Variants in CACNB2 observed in about 807,000 individuals in gnomAD.
CACNB2 encodes voltage-dependent L-type calcium channel subunit beta-2.
Under a neutral mutation model 73.3 loss-of-function variants are expected in CACNB2, and 42 were observed. The observed-to-expected ratio is 0.57, with a 90% CI of 0.45 to 0.74. CACNB2 has a LOEUF of 0.74. Among genes scored for constraint, CACNB2 ranks in the 30% least tolerant of loss-of-function variants. CACNB2 has a pLI of 0.00. For synonymous variants in CACNB2, 348 were observed against 310.3 expected (o/e 1.12, Z -1.28); for missense variants, 940 against 853.0 (o/e 1.10, Z -1.27).
At chr10:18,437,582 C>G (rs2046201137) in intron 3 of CACNB2, among the ~76,000 whole-genome samples, 1 of 152,188 alleles carries the variant, frequency 6.6e-6, no homozygotes, top group South Asian at 2.1e-4. Context: ...ACGCATTTCA[C>G]TGGCCAAAAT....
At chr10:18,184,161 C>T (rs2034031218) in intron 2 of CACNB2, among the ~76,000 whole-genome samples, 1 of 152,124 alleles carries the variant, frequency 6.6e-6, no homozygotes, top group East Asian at 1.9e-4. Context: ...CAATGCCAGA[C>T]CTATGGTAGA....
intron 2 of CACNB2, among the ~76,000 whole-genome samples, chr10:18,374,862 C>T (rs1302667337): frequency 1.3e-5 from 2 of 152,136 alleles, no homozygotes; most frequent in African/African-American, 4.8e-5. Context: ...AGCCTTAGAA[C>T]TGTAATGTAA....
At chr10:18,329,865 T>G (rs1168635057) in intron 2 of CACNB2, among the ~76,000 whole-genome samples, 3 of 152,132 alleles carry the variant, frequency 2.0e-5, no homozygotes, top group Non-Finnish European at 2.9e-5. Context: ...TGAGATGGAG[T>G]CTCGCTCTGT....
chr10:18,332,841 TAC>T (rs2040856156), intron 2 of CACNB2, among the ~76,000 whole-genome samples: 1 of 152,228 alleles, frequency 6.6e-6, no homozygotes, highest in South Asian at 2.1e-4. Flanking sequence ...GCAGTTCATT[TAC>T]AGTTAACTCT....
intron 3 of CACNB2, among the ~76,000 whole-genome samples, chr10:18,451,845 A>C (rs1463486702): frequency 1.3e-5 from 2 of 152,190 alleles, no homozygotes; most frequent in Non-Finnish European, 2.9e-5. Flanking sequence ...ACAGAATGCT[A>C]GGTGCTAATG....
chr10:18,527,077 A>G (rs2052544063), intron 9 of CACNB2, among the ~76,000 whole-genome samples: 2 of 152,192 alleles, frequency 1.3e-5, no homozygotes, highest in Non-Finnish European at 2.9e-5. Flanking sequence ...AGTAAGTGCA[A>G]CGTAAGGCAG....
At chr10:18,340,140 A>G (rs756970094) in intron 2 of CACNB2, among the ~76,000 whole-genome samples, 2 of 152,040 alleles carry the variant, frequency 1.3e-5, no homozygotes, top group Non-Finnish European at 2.9e-5. Context: ...GATTTATAGG[A>G]GTTCTATTTC....
In CACNB2 at chr10:18,239,991, T is replaced by A. The variant is rs375459784; in HGVS notation, c.213+89016T>A. On this transcript the variant is annotated intron_variant, in intron 2 of 13. Coordinates refer to ENST00000324631, the MANE Select transcript of CACNB2 (RefSeq NM_201596.3). ...CTGATAAGGCAGATAGCTGCCTCTC[T>A]GCCTTATCAGCTGTAACAATCTCAC... Among the ~76,000 whole-genome samples, 11 of 152,242 alleles carry A rather than the reference T, an allele frequency of 7.2e-5. No homozygotes were observed. The East Asian group carries it at 7.7e-4, about 11-fold the overall frequency.
At chr10:18,385,571 G>C (rs2043196131) in intron 2 of CACNB2, among the ~76,000 whole-genome samples, 1 of 147,994 alleles carries the variant, frequency 6.8e-6, no homozygotes, top group Non-Finnish European at 1.5e-5. Context: ...AGCTTGTGGT[G>C]AGCCGAGATC....
rs185650935 is a variant in CACNB2 at position 18,317,348 on chromosome 10, A to C, written c.214-84576A>C. Among the ~76,000 whole-genome samples, 14 of 152,208 alleles carry C rather than the reference A, an allele frequency of 9.2e-5. No individual in the cohort carries two copies. In the East Asian group the frequency reaches 2.7e-3, roughly 29 times the overall value. On this transcript the variant is annotated intron_variant, in intron 2 of 13. Transcript: ENST00000324631. ...GGGCTTCTAAAGATCCCATTGCCCA[A>C]GTAGTGAACAAAGAACCCAATAGAT... is the stretch of plus-strand genomic sequence containing the variant.
rs370886608 is a variant in CACNB2, at chr10:18,152,892, G to A, written c.213+1917G>A. Among the ~76,000 whole-genome samples the A allele has an allele frequency of 1.2e-4, 18 of 152,134 alleles. No individual in the cohort carries two copies. In the South Asian group the frequency reaches 3.5e-3, roughly 30 times the overall value. Reference sequence around the variant, plus strand: ...ACGAACAGTGTAGAACCCGTTATTAGTCATTTAATCCCTGTAGAAACGCCA... The same window carrying A: ...ACGAACAGTGTAGAACCCGTTATTAATCATTTAATCCCTGTAGAAACGCCA... On this transcript the variant is annotated intron_variant, in intron 2 of 13. Transcript: ENST00000324631.
At chr10:18,266,459 G>A (rs1004612990) in intron 2 of CACNB2, among the ~76,000 whole-genome samples, 4 of 152,030 alleles carry the variant, frequency 2.6e-5, no homozygotes, top group African/African-American at 9.7e-5. Context: ...CTGGGCTAGA[G>A]AAGTGCTGAA....
chr10:18,421,459 G>A (rs1168363204), intron 3 of CACNB2, among the ~76,000 whole-genome samples: 2 of 151,716 alleles, frequency 1.3e-5, no homozygotes, highest in Non-Finnish European at 2.9e-5. Flanking sequence ...CACCACACCC[G>A]GCTAATTTTT....
At chr10:18,342,205 G>A (rs554206375) in intron 2 of CACNB2, among the ~76,000 whole-genome samples, 57 of 152,138 alleles carry the variant, frequency 3.7e-4, no homozygotes, top group Non-Finnish European at 6.8e-4. Context: ...TGTGAATTAC[G>A]AAAACATGTA....
chr10:18,172,798 T>C (rs935013852), intron 2 of CACNB2, among the ~76,000 whole-genome samples: 15 of 152,158 alleles, frequency 9.9e-5, no homozygotes, highest in Admixed American at 9.8e-4. Flanking sequence ...CCCTAGTCAT[T>C]ATGAACACCA....
chr10:18,383,417 C>T (rs767387074), intron 2 of CACNB2, among the ~76,000 whole-genome samples: 10 of 152,222 alleles, frequency 6.6e-5, no homozygotes, highest in Admixed American at 2.0e-4. Flanking sequence ...TAAGAGTCTA[C>T]GCAGTACAGG....
At chr10:18,390,316 G>A (rs2043410180) in intron 2 of CACNB2, among the ~76,000 whole-genome samples, 1 of 152,204 alleles carries the variant, frequency 6.6e-6, no homozygotes, top group African/African-American at 2.4e-5. Context: ...GAGTTCAAGT[G>A]ATTCTTCTGC....
At chr10:18,428,683 CAAAAAAAAA>C (rs10525913) in intron 3 of CACNB2, among the ~76,000 whole-genome samples, 1 of 143,134 alleles carries the variant, frequency 7.0e-6, no homozygotes, top group African/African-American at 2.5e-5. Context: ...GAGACACTGT[CAAAAAAAAA>C]AAAAAAAAAA....
chr10:18,543,125 A>T lies in CACNB2; in HGVS notation c.*3401A>T, dbSNP rs1428975457. ...AAAGTAATTCATATAAAACAAATAA[A>T]GAGCTGGCTTCTGCACTGTTTATTA... is the stretch of plus-strand genomic sequence containing the variant. On this transcript the variant is annotated 3_prime_UTR_variant, in exon 14 of 14. Transcript: ENST00000324631. The T allele has an allele frequency of 6.6e-6, 1 of 152,176 alleles. No individual in the cohort carries two copies. The highest frequency in any genetic ancestry group is 1.5e-5 in the Non-Finnish European group (1 of 68,034). The allele number at this position is 152,176 out of a possible 1,614,324, so 9.4% of individuals were successfully genotyped here. A position where few individuals can be genotyped will look rare whatever the true frequency, so the allele number is the denominator to read the frequency against.
Sources: allele counts gnomAD v4.1 joint callset (sites outside exome capture counted in the v4.1 genomes callset), GRCh38; gene constraint gnomAD v4.1.1; transcripts MANE v1.5; gene names NCBI Gene and HGNC (gene_info 2026-07-23, HGNC 2026-07-21).